The following CSGALNACT1 variants were observed in gnomAD, a reference collection of about 807,000 sequenced individuals.
CSGALNACT1 encodes chondroitin sulfate N-acetylgalactosaminyltransferase 1.
Under a neutral mutation model 51.0 loss-of-function variants are expected in CSGALNACT1, and 52 were observed. The observed-to-expected ratio is 1.02, with a 90% CI of 0.82 to 1.29. CSGALNACT1 has a LOEUF of 1.29. Ranked by LOEUF, CSGALNACT1 falls within the 50% of genes most tolerant of loss-of-function variation. The probability of loss-of-function intolerance (pLI) is 0.00; values close to 1 mark genes in which losing one functional copy is unlikely to be tolerated. For missense variants in CSGALNACT1, 935 were observed against 679.2 expected, an observed-to-expected ratio of 1.38 and a Z score of -4.19; for synonymous variants, 341 against 254.4, an observed-to-expected ratio of 1.34 and a Z score of -3.24.
intron 4 of CSGALNACT1, among the ~76,000 whole-genome samples, chr8:19,504,483 T>A (rs2076954158): frequency 6.6e-6 from 1 of 152,170 alleles, no homozygotes; most frequent in East Asian, 1.9e-4. Context: ...ATAGATAAGT[T>A]AAAAAGACAT....
chr8:19,461,416 G>A (rs1267662649), intron 4 of CSGALNACT1, among the ~76,000 whole-genome samples: 1 of 152,022 alleles, frequency 6.6e-6, no homozygotes. Flanking sequence ...CATGGAGGGT[G>A]TATCCACACA....
chr8:19,583,981 G>A (rs1020383649), intron 3 of CSGALNACT1, among the ~76,000 whole-genome samples: 1 of 152,154 alleles, frequency 6.6e-6, no homozygotes, highest in African/African-American at 2.4e-5. Context: ...TTGCTCAGTT[G>A]AGATTGAATA....
intron 8 of CSGALNACT1, among the ~76,000 whole-genome samples, chr8:19,412,038 G>C (rs2055875641): frequency 6.6e-6 from 1 of 152,080 alleles, no homozygotes; most frequent in African/African-American, 2.4e-5. Context: ...TTGCCATGTT[G>C]GCCAGGCTGG....
intron 1 of CSGALNACT1, among the ~76,000 whole-genome samples, chr8:19,624,192 A>G (rs571253237): frequency 6.6e-6 from 1 of 152,066 alleles, no homozygotes; most frequent in Non-Finnish European, 1.5e-5. Context: ...ACCATCTACT[A>G]CCTCTGGTTC....
intron 1 of CSGALNACT1, among the ~76,000 whole-genome samples, chr8:19,631,697 T>C (rs1200317631): frequency 6.6e-6 from 1 of 152,244 alleles, no homozygotes; most frequent in Non-Finnish European, 1.5e-5. Context: ...TAGTACAGCA[T>C]GAGGACACCT....
intron 3 of CSGALNACT1, among the ~76,000 whole-genome samples, chr8:19,542,769 A>G (rs2085518315): frequency 6.6e-6 from 1 of 152,154 alleles, no homozygotes; most frequent in African/African-American, 2.4e-5. Context: ...TGTCACGCAA[A>G]ACAAAACAAG....
chr8:19,716,754 C>T (rs117580716), intron 1 of CSGALNACT1, among the ~76,000 whole-genome samples: 34 of 151,746 alleles, frequency 2.2e-4, no homozygotes, highest in African/African-American at 4.3e-4. Context: ...ATCGTACCAC[C>T]GCACTCCAAC....
chr8:19,575,920 T>C (rs1434813120), intron 3 of CSGALNACT1, among the ~76,000 whole-genome samples: 1 of 152,036 alleles, frequency 6.6e-6, no homozygotes, highest in East Asian at 1.9e-4. Context: ...ATTTTAATAA[T>C]AAAAAGACTT....
intron 1 of CSGALNACT1, among the ~76,000 whole-genome samples, chr8:19,746,996 C>T (rs1399520651): frequency 6.6e-6 from 1 of 152,184 alleles, no homozygotes; most frequent in Non-Finnish European, 1.5e-5. Flanking sequence ...TCCCACATGC[C>T]TTCACTTTAG....
chr8:19,529,748 T>C (rs915508946), intron 3 of CSGALNACT1, among the ~76,000 whole-genome samples: 2 of 152,192 alleles, frequency 1.3e-5, no homozygotes, highest in African/African-American at 4.8e-5. Context: ...AATCCATGTA[T>C]GCACAGCTCC....
intron 1 of CSGALNACT1, among the ~76,000 whole-genome samples, chr8:19,644,008 G>T (rs148146242): frequency 6.6e-6 from 1 of 152,314 alleles, no homozygotes; most frequent in Non-Finnish European, 1.5e-5. Context: ...GTGTACATAG[G>T]AGCATTGTTC....
chr8:19,413,535 T>C lies in CSGALNACT1; in HGVS notation c.1228-4841A>G, dbSNP rs372500808. Among the ~76,000 whole-genome samples the C allele has an allele frequency of 5.6e-4, 86 of 152,312 alleles. 1 individual carries two copies. Among genetic ancestry groups the C allele is most frequent in the African/African-American group, 1.8e-3 (75 of 41,560 alleles). On this transcript the variant is annotated intron_variant, in intron 8 of 9. Transcript: ENST00000454498. ...TGGTATTCAGCGGGTGTATGTTTCC[T>C]GAATAAATAGAAACAGAATGCAAGG...
chr8:19,561,445 G>C (rs555231226), intron 3 of CSGALNACT1, among the ~76,000 whole-genome samples: 1 of 152,346 alleles, frequency 6.6e-6, no homozygotes, highest in Non-Finnish European at 1.5e-5. Context: ...TAATGGTGGA[G>C]GTTGTTTCCT....
chr8:19,510,975 TG>T (rs1164720961), intron 3 of CSGALNACT1, among the ~76,000 whole-genome samples: 1 of 152,208 alleles, frequency 6.6e-6, no homozygotes, highest in Non-Finnish European at 1.5e-5. Flanking sequence ...CAGATTTCAG[TG>T]AACGTTTTGG....
intron 3 of CSGALNACT1, among the ~76,000 whole-genome samples, chr8:19,549,656 CTTTTTTT>C (rs542956513): frequency 1.9e-4 from 16 of 83,460 alleles, no homozygotes; most frequent in Admixed American, 1.3e-3. Context: ...CAATTTCCTA[CTTTTTTT>C]TTTTTTTTTT....
chr8:19,698,266 C>T (rs757390027), intron 1 of CSGALNACT1, among the ~76,000 whole-genome samples: 10 of 152,204 alleles, frequency 6.6e-5, no homozygotes, highest in African/African-American at 1.7e-4. Context: ...CCAGAACCAA[C>T]GCTCTTTCCA....
chr8:19,416,551 T>C (rs747416201), intron 8 of CSGALNACT1, among the ~76,000 whole-genome samples: 1 of 152,200 alleles, frequency 6.6e-6, no homozygotes, highest in Non-Finnish European at 1.5e-5. Flanking sequence ...CAAATTCTAG[T>C]CCTGTATTAC....
At chr8:19,417,871 G>C (rs1412157778) in intron 8 of CSGALNACT1, among the ~76,000 whole-genome samples, 1 of 152,112 alleles carries the variant, frequency 6.6e-6, no homozygotes, top group East Asian at 1.9e-4. Context: ...TCCATCCATG[G>C]GGGCCATGCC....
chr8:19,603,047 TACAC>T (rs5889877), upstream of CSGALNACT1, among the ~76,000 whole-genome samples: 3,015 of 122,942 alleles, frequency 0.025, 81 homozygotes, highest in East Asian at 0.13. Context: ...ACTGTGTGTA[TACAC>T]ACACACACAC....
Sources: gnomAD v4.1 joint callset for allele counts (sites outside exome capture counted in the v4.1 genomes callset) on GRCh38, gnomAD v4.1.1 for gene constraint, MANE v1.5 for transcripts, NCBI Gene and HGNC (gene_info 2026-07-23, HGNC 2026-07-21) for gene names.